The following ADAMTS18 variants were observed in gnomAD, a reference collection of about 807,000 sequenced individuals.
ADAMTS18 encodes the protein A disintegrin and metalloproteinase with thrombospondin motifs 18.
Under a neutral mutation model 165.9 loss-of-function variants are expected in ADAMTS18, and 157 were observed. The ratio of observed to expected loss-of-function variants is 0.95; its 90% CI spans 0.83 to 1.08. The LOEUF is 1.08. ADAMTS18 is among the 50% of genes least tolerant of loss of function. ADAMTS18 has a pLI of 0.00. For synonymous variants in ADAMTS18, 782 were observed against 578.2 expected (o/e 1.35, Z -5.06); for missense variants, 2,040 against 1,534.0 (o/e 1.33, Z -5.51).
intron 8 of ADAMTS18, 114 bp from the exon 9 acceptor site, chr16:77,356,191 G>C: frequency 7.1e-7 from 1 of 1,406,618 alleles, no homozygotes; most frequent in South Asian, 1.2e-5. Flanking sequence ...GAGAGACAGA[G>C]TTATTAAAAC....
chr16:77,431,246 T>A (rs747361105), intron 3 of ADAMTS18, 49 bp downstream of exon 3: 1 of 1,605,428 alleles, frequency 6.2e-7, no homozygotes, highest in Non-Finnish European at 8.5e-7. Flanking sequence ...TCATTCAAGT[T>A]ACACAAAACA....
intron 16 of ADAMTS18, among the ~76,000 whole-genome samples, chr16:77,317,968 C>G (rs2055917919): frequency 6.6e-6 from 1 of 152,194 alleles, no homozygotes; most frequent in African/African-American, 2.4e-5. Context: ...ATTGAGGACA[C>G]AGCATGCTGT....
chr16:77,364,027 C>T (rs1232489055), intron 5 of ADAMTS18, 142 bp from the exon 6 acceptor site: 3 of 1,274,906 alleles, frequency 2.4e-6, no homozygotes, highest in South Asian at 2.6e-5. Flanking sequence ...CAAAACTCAA[C>T]TTAAAAAAAT....
At chr16:77,429,574 C>G (rs1297482588) in intron 3 of ADAMTS18, among the ~76,000 whole-genome samples, 1 of 152,044 alleles carries the variant, frequency 6.6e-6, no homozygotes, top group Non-Finnish European at 1.5e-5. Context: ...ACTTGTACCC[C>G]TGAACCTAAA....
chr16:77,308,067 A>C lies in ADAMTS18; in HGVS notation c.2533-7663T>G, dbSNP rs576271702. Among the ~76,000 whole-genome samples the C allele has an allele frequency of 1.0e-3, 156 of 152,272 alleles. 1 individual carries two copies. Among genetic ancestry groups the C allele is most frequent in the African/African-American group, 3.5e-3 (144 of 41,574 alleles). Reference sequence around the variant, plus strand: ...CCTATTTCTCACTTACTATCATGAGAAAGGCTGCTGTCGTTTTCAGCTTCA... The same window carrying C: ...CCTATTTCTCACTTACTATCATGAGCAAGGCTGCTGTCGTTTTCAGCTTCA... On this transcript the variant is annotated intron_variant, in intron 16 of 22. Coordinates refer to ENST00000282849, the MANE Select transcript of ADAMTS18 (RefSeq NM_199355.4).
chr16:77,357,149 G>T (rs369688500), intron 8 of ADAMTS18, among the ~76,000 whole-genome samples: 1 of 152,066 alleles, frequency 6.6e-6, no homozygotes, highest in African/African-American at 2.4e-5. Context: ...GTAAATAAAT[G>T]TTATCCTGAT....
At chr16:77,329,507 C>T (rs750337602) in intron 12 of ADAMTS18, among the ~76,000 whole-genome samples, 9 of 152,306 alleles carry the variant, frequency 5.9e-5, no homozygotes, top group Non-Finnish European at 1.2e-4. Flanking sequence ...TGACAATTAA[C>T]TGATCCAACC....
chr16:77,355,969 G>A lies in ADAMTS18; in HGVS notation c.1431C>T (p.Cys477=). 6.2e-7 allele frequency: 1 copy of A among 1,614,086 alleles called. No individual in the cohort carries two copies. Among genetic ancestry groups the A allele is most frequent in the Non-Finnish European group, 8.5e-7 (1 of 1,179,974 alleles). ...GGAATTTCTTGAGATACTGGCGGCT[G>A]CAGGAAGACCATGAAAACACTCCAT... ...GNNGVFSWSS[C]SRQYLKKFLS... Residue 477 remains cysteine (C), a synonymous_variant, in exon 9 of 23, where the codon TGC becomes TGT. Coordinates refer to ENST00000282849, the MANE Select transcript of ADAMTS18 (RefSeq NM_199355.4).
chr16:77,320,159 G>T, intron 15 of ADAMTS18, 66 bp from the exon 16 acceptor site: 1 of 1,591,234 alleles, frequency 6.3e-7, no homozygotes, highest in East Asian at 2.2e-5. Flanking sequence ...GACTAGAAAT[G>T]GCCCGACATG....
intron 3 of ADAMTS18, among the ~76,000 whole-genome samples, chr16:77,373,552 G>A (rs543690310): frequency 6.6e-6 from 1 of 151,998 alleles, no homozygotes; most frequent in African/African-American, 2.4e-5. Context: ...GGATTATGAA[G>A]ACTTGGGAGA....
chr16:77,374,172 T>C (rs551533340), intron 3 of ADAMTS18, among the ~76,000 whole-genome samples: 1 of 151,038 alleles, frequency 6.6e-6, no homozygotes, highest in Admixed American at 6.6e-5. Flanking sequence ...CGCACTGAGA[T>C]TGCACCACTA....
chr16:77,425,642 A>G (rs1352110995), intron 3 of ADAMTS18, among the ~76,000 whole-genome samples: 1 of 152,238 alleles, frequency 6.6e-6, no homozygotes, highest in Non-Finnish European at 1.5e-5. Flanking sequence ...ACGGGAACAC[A>G]TGTCCAGGTA....
chr16:77,361,655 G>A (rs28561950), intron 7 of ADAMTS18, among the ~76,000 whole-genome samples: 1,587 of 152,234 alleles, frequency 0.01, 23 homozygotes, highest in African/African-American at 0.036. Flanking sequence ...AGACCAAGGC[G>A]GGCGGAACAC....
chr16:77,326,941 T>C (rs1437514067), intron 12 of ADAMTS18, among the ~76,000 whole-genome samples: 1 of 152,210 alleles, frequency 6.6e-6, no homozygotes, highest in Admixed American at 6.5e-5. Flanking sequence ...AGGAAGAATA[T>C]GTGACATTTG....
At chr16:77,422,497 G>A (rs1367664069) in intron 3 of ADAMTS18, among the ~76,000 whole-genome samples, 1 of 150,402 alleles carries the variant, frequency 6.6e-6, no homozygotes, top group Non-Finnish European at 1.5e-5. Context: ...AGGGAGGAAG[G>A]AAGAGATGCA....
At chr16:77,378,541 C>G (rs140555996) in intron 3 of ADAMTS18, among the ~76,000 whole-genome samples, 2 of 151,742 alleles carry the variant, frequency 1.3e-5, no homozygotes, top group African/African-American at 2.4e-5. Flanking sequence ...ATGGCGAAAC[C>G]CTGACTCCAC....
intron 3 of ADAMTS18, among the ~76,000 whole-genome samples, chr16:77,381,632 T>C (rs2057032177): frequency 6.6e-6 from 1 of 151,902 alleles, no homozygotes; most frequent in Non-Finnish European, 1.5e-5. Context: ...TGAAACCTCG[T>C]CTCTACTAAA....
Position 77,335,895 on chromosome 16 carries a change from GCCGACA to G in ADAMTS18, c.1714_1719del (p.Cys572_Arg573del), listed in dbSNP as rs1467151112. On this transcript the variant is annotated inframe_deletion, in exon 12 of 23. Coordinates refer to ENST00000282849, the MANE Select transcript of ADAMTS18 (RefSeq NM_199355.4). ...TCCCCAAACTTTACGCACTGGCCTT[GCCGACA>G]CCACTGTGAAAAGAACGTGTAAGAT... 1.2e-6 allele frequency: 2 copies of G among 1,614,080 alleles called. No homozygotes were observed. The highest frequency in any genetic ancestry group is 1.7e-6 in the Non-Finnish European group (2 of 1,180,046).
chr16:77,359,497 A>C (rs2056680060), intron 7 of ADAMTS18, 74 bp from the exon 8 acceptor site: 1 of 1,268,098 alleles, frequency 7.9e-7, no homozygotes, highest in Non-Finnish European at 1.1e-6. Flanking sequence ...TTATGTCCTC[A>C]AAATGTTCTA....
Sources: allele counts gnomAD v4.1 joint callset (sites outside exome capture counted in the v4.1 genomes callset), GRCh38; gene constraint gnomAD v4.1.1; transcripts MANE v1.5; gene names NCBI Gene and HGNC (gene_info 2026-07-23, HGNC 2026-07-21).